Variants in NCOR2 observed in about 807,000 individuals in gnomAD.
NCOR2 encodes nuclear receptor corepressor 2, also known as CTG repeat protein 26.
Under a neutral mutation model 262.9 loss-of-function variants are expected in NCOR2, and 81 were observed. The observed-to-expected ratio is 0.31, with a 90% CI of 0.26 to 0.37. NCOR2 has a LOEUF of 0.37. Among genes scored for constraint, NCOR2 ranks in the 10% least tolerant of loss-of-function variants. The pLI is 1.00. For synonymous variants in NCOR2, 1,659 were observed against 1,559.3 expected, an observed-to-expected ratio of 1.06 and a Z score of -1.51; for missense variants, 3,385 against 3,621.4, an observed-to-expected ratio of 0.93 and a Z score of 1.68.
chr12:124,370,092 C>T (rs926513127), intron 20 of NCOR2, among the ~76,000 whole-genome samples: 17 of 152,228 alleles, frequency 1.1e-4, no homozygotes, highest in African/African-American at 3.6e-4. Context: ...GGCGGGGAGC[C>T]GTCTGCCCTG....
chr12:124,453,350 C>T (rs1014134455), intron 6 of NCOR2, among the ~76,000 whole-genome samples: 2 of 152,200 alleles, frequency 1.3e-5, no homozygotes, highest in East Asian at 1.9e-4. Context: ...GTGAGGGAAT[C>T]GAGGCCTAGA....
chr12:124,495,919 T>C (rs2048353808), upstream of NCOR2, among the ~76,000 whole-genome samples: 2 of 151,996 alleles, frequency 1.3e-5, no homozygotes, highest in South Asian at 4.2e-4. This position sits in a 1 kb window ranked among gnomAD's most constrained non-coding sequence, Gnocchi z 4.4. Flanking sequence ...ACAGGACTGA[T>C]ATGAGGTTAG....
At chr12:124,336,329 A>G (rs2035890797) in intron 38 of NCOR2, 1 of 176,806 alleles carries the variant, frequency 5.7e-6, no homozygotes, top group Non-Finnish European at 1.2e-5. Context: ...CTCCCTGGAC[A>G]CAGGCGCAAA....
chr12:124,468,836 A>C (rs1325246199), intron 4 of NCOR2, among the ~76,000 whole-genome samples: 1 of 12,180 alleles, frequency 8.2e-5, no homozygotes. Flanking sequence ...CATCCTCATC[A>C]CCCCATCATC....
chr12:124,348,741 C>T (rs569770284), intron 28 of NCOR2: 15 of 193,498 alleles, frequency 7.8e-5, no homozygotes, highest in Non-Finnish European at 1.4e-4. Flanking sequence ...CAGGAGCACA[C>T]GTGCACCGAT....
At chr12:124,347,787 C>T (rs1293121421) in intron 30 of NCOR2, 38 bp downstream of exon 32, 16 of 1,548,906 alleles carry the variant, frequency 1.0e-5, no homozygotes, top group East Asian at 2.4e-5. Context: ...ACTGTACACC[C>T]GTTGGGGGCA....
chr12:124,325,382 C>CGG, exon 47 of NCOR2: 3 of 412,978 alleles, frequency 7.3e-6, no homozygotes, highest in South Asian at 8.1e-5. Flanking sequence ...ACACCGCCCC[C>CGG]CCCCCCGCCC....
intron 15 of NCOR2, among the ~76,000 whole-genome samples, 168 bp from the exon 18 acceptor site, chr12:124,398,349 C>T (rs1378089633): frequency 1.3e-5 from 2 of 152,260 alleles, no homozygotes; most frequent in Admixed American, 1.3e-4. Flanking sequence ...CCTCCCCAGC[C>T]AGTACCCACC....
At chr12:124,372,287 C>T (rs1184372270) in exon 20 of NCOR2, 1 of 1,545,772 alleles carries the variant, frequency 6.5e-7, no homozygotes. Flanking sequence ...AGCTCCTCAG[C>T]CGCGGGGGGC....
rs141979621 is a variant in NCOR2 at position 124,556,734 on chromosome 12, G to A, written c.-165+10574C>T. Among the ~76,000 whole-genome samples, 28 of 152,142 alleles carry A rather than the reference G, an allele frequency of 1.8e-4. No homozygotes were observed. The East Asian group carries it at 5.0e-3, about 27-fold the overall frequency. ...AATTAGCCATGTGCGCCTATAATCC[G>A]TTACTCAGGTGGCTGAGGCAGGAGA... On this transcript the variant is annotated intron_variant, in intron 1 of 32. Transcript: ENST00000458234.
chr12:124,373,965 G>C (rs796741983), intron 19 of NCOR2, among the ~76,000 whole-genome samples: 1 of 151,582 alleles, frequency 6.6e-6, no homozygotes, highest in African/African-American at 2.4e-5. Flanking sequence ...CAGCAGGAGC[G>C]CGATCTGTGC....
intron 3 of NCOR2, among the ~76,000 whole-genome samples, chr12:124,480,950 T>A (rs1009337741): frequency 2.4e-5 from 2 of 83,280 alleles, no homozygotes; most frequent in South Asian, 4.2e-4. Flanking sequence ...GGCTGGGAGG[T>A]GAGGGGGAGG....
At chr12:124,334,452 C>A in exon 41 of NCOR2, 1 of 1,500,532 alleles carries the variant, frequency 6.7e-7, no homozygotes, top group Non-Finnish European at 8.9e-7. Flanking sequence ...TGGGGGGAGC[C>A]ACGGGCCGGG....
chr12:124,333,557 T>C (rs1019361332), intron 41 of NCOR2, among the ~76,000 whole-genome samples: 3 of 152,164 alleles, frequency 2.0e-5, no homozygotes, highest in Non-Finnish European at 4.4e-5. Flanking sequence ...CCACAGTTTA[T>C]TGACCCCTGC....
At chr12:124,441,137 A>G (rs1026647728) in intron 7 of NCOR2, among the ~76,000 whole-genome samples, 7 of 152,218 alleles carry the variant, frequency 4.6e-5, no homozygotes, top group African/African-American at 9.7e-5. Flanking sequence ...AGCAGCACCC[A>G]TATCTCAGCA....
At position 124,340,770 on chromosome 12, in the gene NCOR2, C is replaced by T. The variant is rs776982482; in HGVS notation, c.5189-19G>A. 5 of 1,513,542 alleles carry T rather than the reference C, an allele frequency of 3.3e-6. No homozygotes were observed. The East Asian group carries it at 1.2e-4, about 36-fold the overall frequency. 93.8% of individuals were successfully genotyped at this position (1,513,542 alleles called of 1,614,324 possible). A position where few individuals can be genotyped will look rare whatever the true frequency, so the allele number is the denominator to read the frequency against. ...ATGATGCCTGCGGGAGGTGTTGGGCCAGGGCTGTAGCCACAGGGAGGAGAG... is the reference window on the plus strand; with the variant it reads ...ATGATGCCTGCGGGAGGTGTTGGGCTAGGGCTGTAGCCACAGGGAGGAGAG... On this transcript the variant is annotated intron_variant, in intron 34 of 46. Transcript: ENST00000405201.
At chr12:124,372,645 G>A in intron 19 of NCOR2, 35 bp from the exon 22 acceptor site, 1 of 1,556,608 alleles carries the variant, frequency 6.4e-7, no homozygotes. Context: ...GGATGAGCAG[G>A]GTCTGGCGGG....
intron 31 of NCOR2, among the ~76,000 whole-genome samples, chr12:124,345,926 C>T (rs2036886877): frequency 1.3e-5 from 2 of 152,204 alleles, no homozygotes; most frequent in Admixed American, 1.3e-4. Flanking sequence ...CCTTCAGGGG[C>T]TTTCCACCGA....
intron 10 of NCOR2, among the ~76,000 whole-genome samples, chr12:124,428,131 G>C (rs7301068): frequency 0.084 from 12,176 of 144,338 alleles, 893 homozygotes; most frequent in African/African-American, 0.19. Context: ...TGGCCATCAG[G>C]TGAGGAATGC....
Sources: allele counts gnomAD v4.1 joint callset (sites outside exome capture counted in the v4.1 genomes callset), GRCh38; gene constraint gnomAD v4.1.1; non-coding constraint Gnocchi (gnomAD v3.1); transcripts MANE v1.5; gene names NCBI Gene and HGNC (gene_info 2026-07-23, HGNC 2026-07-21).